The following MSH4 variants were observed in gnomAD, a reference collection of about 807,000 sequenced individuals.
MSH4 encodes the protein mutS homolog 4.
Under a neutral mutation model 113.7 loss-of-function variants are expected in MSH4, and 106 were observed. That is an observed-to-expected ratio of 0.93 (90% CI 0.80 to 1.10). The LOEUF (loss-of-function observed/expected upper bound fraction) is 1.10. Ranked by LOEUF, MSH4 falls within the 50% of genes least tolerant of loss-of-function variation. The pLI is 0.00. For synonymous variants in MSH4, 368 were observed against 380.2 expected, an observed-to-expected ratio of 0.97 and a Z score of 0.37; for missense variants, 1,061 against 1,093.7, an observed-to-expected ratio of 0.97 and a Z score of 0.42.
chr1:75,888,063 AGGTGCC>A, intron 15 of MSH4, among the ~76,000 whole-genome samples: 1 of 149,544 alleles, frequency 6.7e-6, no homozygotes. Flanking sequence ...CGAATGGTAT[AGGTGCC>A]GTTATTATAA....
At chr1:75,855,069 A>G (rs1293465616) in intron 8 of MSH4, among the ~76,000 whole-genome samples, 1 of 151,166 alleles carries the variant, frequency 6.6e-6, no homozygotes, top group African/African-American at 2.4e-5. Context: ...ACAGAGTCTC[A>G]CTCTGTTATC....
At chr1:75,804,668 G>A (rs1277653397) in intron 2 of MSH4, among the ~76,000 whole-genome samples, 2 of 151,214 alleles carry the variant, frequency 1.3e-5, no homozygotes, top group East Asian at 3.9e-4. Context: ...TTGCTACCAC[G>A]CCCGGCTAAT....
At position 75,876,876 on chromosome 1, in the gene MSH4, A is replaced by G. The variant is rs1318586245; in HGVS notation, c.1306-60A>G. The stretch of plus-strand genomic sequence containing the variant: ...TAAAGTATTAAACAACTGTAAAATG[A>G]TATGTTTGAATGATCTTGTAATTGA... On this transcript the variant is annotated intron_variant, in intron 9 of 19. Transcript: ENST00000263187. 16 of 930,420 alleles carry G rather than the reference A, an allele frequency of 1.7e-5. 1 individual carries two copies. The highest frequency in any genetic ancestry group is 9.8e-5 in the South Asian group (5 of 51,080). The allele number at this position is 930,420 out of a possible 1,614,324, so 57.6% of individuals were successfully genotyped here. A position where few individuals can be genotyped will look rare whatever the true frequency, so the allele number is the denominator to read the frequency against.
Position 75,878,319 on chromosome 1 carries a change from G to C in MSH4, c.1540+1G>C. On this transcript the variant is annotated splice_donor_variant, in intron 11 of 19. Transcript: ENST00000263187. LOFTEE classifies it high-confidence loss of function. ...ACAGAGATTGTAGATGACATAGCAG[G>C]TAATTTCTTTATTTGATAATGTTTT... The C allele has an allele frequency of 6.3e-7, 1 of 1,576,980 alleles. No homozygotes were observed. Among genetic ancestry groups the C allele is most frequent in the Non-Finnish European group, 8.6e-7 (1 of 1,168,242 alleles).
chr1:75,885,057 G>GTATATATATATATATA (rs1440064046), intron 15 of MSH4, among the ~76,000 whole-genome samples: 1 of 114,532 alleles, frequency 8.7e-6, no homozygotes, highest in African/African-American at 3.9e-5. Flanking sequence ...GTGTGTGTGT[G>GTATATATATATATATA]TGTATATATA....
chr1:75,904,915 T>C (rs11161859), intron 19 of MSH4, among the ~76,000 whole-genome samples: 64,793 of 151,870 alleles, frequency 0.43, 14,187 homozygotes, highest in African/African-American at 0.5. Flanking sequence ...AATGATCCTT[T>C]GTATTTCTGT....
intron 12 of MSH4, among the ~76,000 whole-genome samples, 170 bp from the exon 13 acceptor site, chr1:75,879,880 A>G (rs577467076): frequency 6.6e-6 from 1 of 152,300 alleles, no homozygotes; most frequent in African/African-American, 2.4e-5. Context: ...TTATCCTTTG[A>G]AGTGATCTAC....
At chr1:75,815,816 T>C (rs1650281526) in intron 5 of MSH4, among the ~76,000 whole-genome samples, 1 of 152,066 alleles carries the variant, frequency 6.6e-6, no homozygotes, top group South Asian at 2.1e-4. Context: ...GAGACCAGCC[T>C]CAGCAACATG....
Position 75,803,867 on chromosome 1 carries a change from T to G in MSH4, c.381T>G (p.Pro127=). Residue 127 remains proline (P), a synonymous_variant, in exon 2 of 20, where the codon CCT becomes CCG. Coordinates refer to ENST00000263187, the MANE Select transcript of MSH4 (RefSeq NM_002440.4). ...AAACTCCATTGTCTACTGGAAATCC[T>G]CAGAGATCAGGTTATAAGAGCTGGA... is the stretch of plus-strand genomic sequence containing the variant. ...TLKTPLSTGN[P]QRSGYKSWTP... The G allele has an allele frequency of 6.3e-7, 1 of 1,598,524 alleles. No homozygotes were observed. The highest frequency in any genetic ancestry group is 8.5e-7 in the Non-Finnish European group (1 of 1,173,460).
At chr1:75,819,113 A>C (rs1209925936) in intron 6 of MSH4, among the ~76,000 whole-genome samples, 1 of 151,588 alleles carries the variant, frequency 6.6e-6, no homozygotes, top group Non-Finnish European at 1.5e-5. Context: ...TATTTTCTTG[A>C]TATGATTATG....
chr1:75,898,274 T>A (rs1652428061), intron 18 of MSH4, among the ~76,000 whole-genome samples, 193 bp downstream of exon 18: 1 of 152,078 alleles, frequency 6.6e-6, no homozygotes, highest in Non-Finnish European at 1.5e-5. Context: ...TATAAATCTT[T>A]TTAAATTTTT....
chr1:75,877,724 G>A (rs546584704), intron 10 of MSH4, among the ~76,000 whole-genome samples: 14 of 152,272 alleles, frequency 9.2e-5, no homozygotes, highest in African/African-American at 2.9e-4. Flanking sequence ...TGCCTCTACC[G>A]AAGGCAGGGA....
chr1:75,893,943 T>C (rs1394652021), intron 17 of MSH4, among the ~76,000 whole-genome samples: 1 of 152,174 alleles, frequency 6.6e-6, no homozygotes, highest in Non-Finnish European at 1.5e-5. Flanking sequence ...TGAGTTGCCT[T>C]GGTTTAATGC....
intron 7 of MSH4, among the ~76,000 whole-genome samples, chr1:75,845,106 A>T (rs1316112635): frequency 6.6e-6 from 1 of 152,184 alleles, no homozygotes; most frequent in Non-Finnish European, 1.5e-5. Context: ...TCACCCTTTA[A>T]AGGTCCCACC....
At chr1:75,862,705 A>G (rs74090779) in intron 8 of MSH4, among the ~76,000 whole-genome samples, 1,973 of 152,280 alleles carry the variant, frequency 0.013, 44 homozygotes, top group African/African-American at 0.045. Context: ...ATATAAGCAC[A>G]AATCTCTTAA....
intron 7 of MSH4, among the ~76,000 whole-genome samples, chr1:75,847,580 T>G (rs974293538): frequency 6.6e-6 from 1 of 152,150 alleles, no homozygotes; most frequent in African/African-American, 2.4e-5. Flanking sequence ...ACGAGTTTAT[T>G]TGGGTCACAA....
At chr1:75,814,762 T>C (rs1650261576) in intron 4 of MSH4, among the ~76,000 whole-genome samples, 1 of 152,128 alleles carries the variant, frequency 6.6e-6, no homozygotes, top group Admixed American at 6.5e-5. Flanking sequence ...TAAACTGTCA[T>C]GTTTATTTTT....
intron 7 of MSH4, among the ~76,000 whole-genome samples, chr1:75,831,992 A>C (rs113523473): frequency 6.6e-6 from 1 of 152,082 alleles, no homozygotes; most frequent in Admixed American, 6.6e-5. Context: ...TCAATGAATC[A>C]AGGAGCTGGT....
chr1:75,855,837 G>A (rs1651304032), intron 8 of MSH4, among the ~76,000 whole-genome samples: 1 of 152,094 alleles, frequency 6.6e-6, no homozygotes, highest in Non-Finnish European at 1.5e-5. Context: ...TTTTTTGGAG[G>A]GAACACAATT....
Sources: allele counts gnomAD v4.1 joint callset (sites outside exome capture counted in the v4.1 genomes callset), GRCh38; gene constraint gnomAD v4.1.1; transcripts MANE v1.5; gene names NCBI Gene and HGNC (gene_info 2026-07-23, HGNC 2026-07-21).